CNTN3: variants seen among roughly 807,000 people sequenced by gnomAD.
The protein encoded by CNTN3 is contactin 3.
A neutral mutation model predicts 119.1 loss-of-function variants in CNTN3; 60 were observed. The observed-to-expected ratio is 0.50, with a 90% CI of 0.41 to 0.62. CNTN3 has a LOEUF of 0.62. Among genes scored for constraint, CNTN3 ranks in the 20% least tolerant of loss-of-function variants. The probability of loss-of-function intolerance (pLI) is 0.00; values close to 1 mark genes in which losing one functional copy is unlikely to be tolerated. For missense variants in CNTN3, 1,101 were observed against 1,242.4 expected (o/e 0.89, Z 1.71); for synonymous variants, 450 against 438.7 (o/e 1.03, Z -0.32).
intron 4 of CNTN3, among the ~76,000 whole-genome samples, chr3:74,485,736 A>C: frequency 9.8e-6 from 1 of 102,316 alleles, no homozygotes. Flanking sequence ...GAGACTAATA[A>C]AAAGAAAAAA....
chr3:74,578,542 C>G (rs1704453425), intron 1 of CNTN3, among the ~76,000 whole-genome samples: 5 of 152,042 alleles, frequency 3.3e-5, no homozygotes, highest in Admixed American at 2.0e-4. Flanking sequence ...TATTATTAAC[C>G]CTCAGACTAT....
chr3:74,364,063 A>C (rs2106776784), intron 10 of CNTN3, among the ~76,000 whole-genome samples: 1 of 152,278 alleles, frequency 6.6e-6, no homozygotes, highest in Admixed American at 6.5e-5. Flanking sequence ...CTTCTAACAG[A>C]GCCACTAAAG....
intron 4 of CNTN3, among the ~76,000 whole-genome samples, chr3:74,468,467 G>T (rs748707549): frequency 6.6e-6 from 1 of 151,996 alleles, no homozygotes; most frequent in East Asian, 1.9e-4. Context: ...TATTATCATC[G>T]GTACCAAAGA....
chr3:74,317,215 T>C (rs1334359261), intron 13 of CNTN3, among the ~76,000 whole-genome samples: 3 of 150,134 alleles, frequency 2.0e-5, no homozygotes, highest in Non-Finnish European at 4.4e-5. Flanking sequence ...TCCCTTTATT[T>C]TGAGCCTATG....
chr3:74,391,873 G>T (rs1704916873), intron 5 of CNTN3, among the ~76,000 whole-genome samples: 1 of 152,112 alleles, frequency 6.6e-6, no homozygotes, highest in Admixed American at 6.5e-5. Context: ...GGTCAGGCTG[G>T]TCTTGAACTC....
intron 4 of CNTN3, among the ~76,000 whole-genome samples, chr3:74,437,907 A>G (rs1243645699): frequency 2.0e-5 from 3 of 152,226 alleles, no homozygotes; most frequent in Non-Finnish European, 4.4e-5. Flanking sequence ...GAAAAAGCCA[A>G]TGTTCTCACA....
chr3:74,450,558 A>C (rs144659685), intron 4 of CNTN3, among the ~76,000 whole-genome samples: 1 of 151,096 alleles, frequency 6.6e-6, no homozygotes, highest in Non-Finnish European at 1.5e-5. Context: ...CATGTGCACA[A>C]TGTGCAGGTT....
chr3:74,582,655 G>A (rs1022224291), intron 1 of CNTN3, among the ~76,000 whole-genome samples: 3 of 152,090 alleles, frequency 2.0e-5, no homozygotes, highest in African/African-American at 7.2e-5. Context: ...TCTTTAATAG[G>A]ATGGCTAAAA....
chr3:74,608,417 C>A (rs138137008), intron 1 of CNTN3, among the ~76,000 whole-genome samples: 1 of 152,118 alleles, frequency 6.6e-6, no homozygotes, highest in African/African-American at 2.4e-5. Context: ...TTCTTTCATA[C>A]GCTAATGTTT....
chr3:74,299,383 G>A (rs1702408321), intron 17 of CNTN3, among the ~76,000 whole-genome samples: 2 of 152,130 alleles, frequency 1.3e-5, no homozygotes, highest in East Asian at 1.9e-4. Flanking sequence ...CTGGGAGAAT[G>A]GCCAGGAAAG....
intron 4 of CNTN3, among the ~76,000 whole-genome samples, chr3:74,458,279 T>TA (rs1225045102): frequency 1.3e-5 from 2 of 152,144 alleles, no homozygotes; most frequent in African/African-American, 2.4e-5. Flanking sequence ...TTTCAGGACT[T>TA]ACAATATACC....
At chr3:74,593,327 C>A (rs1295899339) in intron 1 of CNTN3, among the ~76,000 whole-genome samples, 4 of 151,934 alleles carry the variant, frequency 2.6e-5, no homozygotes, top group Admixed American at 2.6e-4. Context: ...ACTCTATTTT[C>A]TCTATTGTTT....
intron 13 of CNTN3, among the ~76,000 whole-genome samples, chr3:74,303,223 T>C (rs1702493551): frequency 6.6e-6 from 1 of 152,110 alleles, no homozygotes; most frequent in East Asian, 1.9e-4. Flanking sequence ...TGTGGGTATC[T>C]AGTGGGAGAT....
chr3:74,466,421 G>T (rs935547939), intron 4 of CNTN3, among the ~76,000 whole-genome samples: 2 of 152,120 alleles, frequency 1.3e-5, no homozygotes, highest in Admixed American at 1.3e-4. Context: ...AAAAACGGAA[G>T]AAAGTATGAT....
chr3:74,490,593 T>C (rs1435541737), intron 3 of CNTN3, among the ~76,000 whole-genome samples: 6 of 152,202 alleles, frequency 3.9e-5, no homozygotes, highest in African/African-American at 9.6e-5. Context: ...TGCTGGAATA[T>C]ACTTTATTTC....
At chr3:74,496,784 C>G (rs79480701) in intron 3 of CNTN3, among the ~76,000 whole-genome samples, 1 of 152,010 alleles carries the variant, frequency 6.6e-6, no homozygotes, top group African/African-American at 2.4e-5. Flanking sequence ...GGGGCTCAGG[C>G]AGGGAACTGC....
intron 20 of CNTN3, among the ~76,000 whole-genome samples, chr3:74,276,124 T>G (rs748978596): frequency 1.3e-5 from 2 of 152,070 alleles, no homozygotes; most frequent in Non-Finnish European, 2.9e-5. Context: ...CACCTAACAC[T>G]GGAGCTCCCA....
chr3:74,463,267 ATGTCTTTT>A (rs1702404304), intron 4 of CNTN3, among the ~76,000 whole-genome samples: 2 of 152,128 alleles, frequency 1.3e-5, no homozygotes, highest in Admixed American at 1.3e-4. Context: ...AGTTTTTGGC[ATGTCTTTT>A]TGTCTCTCCC....
At chr3:74,429,326 T>TAGTG (rs2106906512) in intron 4 of CNTN3, among the ~76,000 whole-genome samples, 1 of 151,978 alleles carries the variant, frequency 6.6e-6, no homozygotes, top group South Asian at 2.1e-4. Flanking sequence ...GACCATGTGG[T>TAGTG]AGTGGCACAG....
Sources: gnomAD v4.1 joint callset for allele counts (sites outside exome capture counted in the v4.1 genomes callset) on GRCh38, gnomAD v4.1.1 for gene constraint, MANE v1.5 for transcripts, NCBI Gene and HGNC (gene_info 2026-07-23, HGNC 2026-07-21) for gene names.